Variants in KCNN2 observed in about 807,000 individuals in gnomAD.
KCNN2 encodes potassium calcium-activated channel subfamily N member 2.
A neutral mutation model predicts 55.5 loss-of-function variants in KCNN2; 24 were observed. The observed-to-expected ratio is 0.43, with a 90% CI of 0.31 to 0.61. The LOEUF (loss-of-function observed/expected upper bound fraction) is 0.61. Among genes scored for constraint, KCNN2 ranks in the 20% least tolerant of loss-of-function variants. KCNN2 has a pLI of 0.08. For missense variants in KCNN2, 754 were observed against 853.6 expected (o/e 0.88, Z 1.45); for synonymous variants, 431 against 336.1 (o/e 1.28, Z -3.09).
chr5:114,275,662 G>A (rs1304797270), intron 2 of KCNN2, among the ~76,000 whole-genome samples: 1 of 152,110 alleles, frequency 6.6e-6, no homozygotes, highest in African/African-American at 2.4e-5. Flanking sequence ...TTGTATTTTT[G>A]TGGGATCGGT....
At chr5:114,353,943 G>A (rs1757254732) in intron 2 of KCNN2, among the ~76,000 whole-genome samples, 1 of 151,790 alleles carries the variant, frequency 6.6e-6, no homozygotes, top group African/African-American at 2.4e-5. Context: ...TTTCTTGGAG[G>A]TGTAGATGAA....
chr5:114,146,676 C>A (rs1044239274), intron 1 of KCNN2, among the ~76,000 whole-genome samples: 6 of 152,122 alleles, frequency 3.9e-5, no homozygotes, highest in African/African-American at 1.2e-4. Context: ...GAGACAATCT[C>A]AACACTGATA....
chr5:114,208,726 T>A (rs1250131857), intron 1 of KCNN2, among the ~76,000 whole-genome samples: 1 of 152,192 alleles, frequency 6.6e-6, no homozygotes, highest in African/African-American at 2.4e-5. Flanking sequence ...CTTGTTTGTG[T>A]GTTCAAAACC....
chr5:114,067,306 T>G (rs1448574517), intron 1 of KCNN2, among the ~76,000 whole-genome samples: 1 of 152,190 alleles, frequency 6.6e-6, no homozygotes, highest in African/African-American at 2.4e-5. Context: ...TGCATTGAAA[T>G]CACCTGGCAA....
At chr5:114,148,544 T>G (rs979591577) in intron 1 of KCNN2, among the ~76,000 whole-genome samples, 1 of 152,020 alleles carries the variant, frequency 6.6e-6, no homozygotes, top group African/African-American at 2.4e-5. Flanking sequence ...GGACGTGGAC[T>G]TGGGGGAGAC....
chr5:114,076,668 G>C (rs1455485800), intron 1 of KCNN2, among the ~76,000 whole-genome samples: 1 of 152,064 alleles, frequency 6.6e-6, no homozygotes, highest in Non-Finnish European at 1.5e-5. Flanking sequence ...GAAGAAGGTA[G>C]GTTTTCAAAG....
intron 2 of KCNN2, among the ~76,000 whole-genome samples, chr5:114,279,942 C>T (rs1755586474): frequency 6.6e-6 from 1 of 152,124 alleles, no homozygotes; most frequent in Admixed American, 6.5e-5. Flanking sequence ...CCTATTTCTC[C>T]ACATCCTCTC....
At chr5:114,361,361 G>C (rs568857364), upstream of KCNN2, among the ~76,000 whole-genome samples, 1 of 152,270 alleles carries the variant, frequency 6.6e-6, no homozygotes, top group South Asian at 2.1e-4. Context: ...AGAGCCTGCC[G>C]GCTGGGAAAG....
At chr5:114,324,673 GT>G (rs1289453722) in intron 2 of KCNN2, among the ~76,000 whole-genome samples, 1 of 152,174 alleles carries the variant, frequency 6.6e-6, no homozygotes, top group Admixed American at 6.5e-5. Flanking sequence ...GTGATAATTT[GT>G]TACAGCAGCA....
At chr5:114,431,127 C>G (rs773335584) in intron 3 of KCNN2, among the ~76,000 whole-genome samples, 2 of 152,074 alleles carry the variant, frequency 1.3e-5, no homozygotes, top group Non-Finnish European at 2.9e-5. Flanking sequence ...ACCCCCCCAT[C>G]CCGGCTTCTG....
rs949553121 is a variant in KCNN2 at position 114,277,506 on chromosome 5, T to A, written c.-185+55941T>A. On this transcript the variant is annotated intron_variant, in intron 2 of 10. Transcript: ENST00000512097. ...ACATAGATTTGGTCTTTTCACATAG[T>A]CCCATATTTCCTGGAGGCTTTGTTA... Among the ~76,000 whole-genome samples, 10 of 152,214 alleles carry A rather than the reference T, an allele frequency of 6.6e-5. 1 individual carries two copies. The highest frequency in any genetic ancestry group is 5.2e-4 in the Admixed American group (8 of 15,272).
chr5:114,114,892 C>T (rs961339908), intron 1 of KCNN2, among the ~76,000 whole-genome samples: 2 of 152,248 alleles, frequency 1.3e-5, no homozygotes, highest in East Asian at 1.9e-4. Flanking sequence ...TTAACAGCTT[C>T]GCCTAGACTA....
chr5:114,422,820 C>T (rs930449445), intron 3 of KCNN2, among the ~76,000 whole-genome samples: 5 of 152,186 alleles, frequency 3.3e-5, no homozygotes, highest in African/African-American at 1.2e-4. Flanking sequence ...ACTAATCTGA[C>T]TGGAACTTCT....
intron 3 of KCNN2, among the ~76,000 whole-genome samples, chr5:114,425,376 T>G (rs982947289): frequency 6.6e-6 from 1 of 152,216 alleles, no homozygotes; most frequent in Non-Finnish European, 1.5e-5. Flanking sequence ...TGGACTGTGC[T>G]AATTTCTGGA....
In KCNN2 at chr5:114,196,768, T is replaced by C. The variant is rs555174107; in HGVS notation, c.-270-24712T>C. ...ATTTCATCAAAATATTTGTCCAGTT[T>C]GTTGATCTTTTCAAAGTACTAACTT... On this transcript the variant is annotated intron_variant, in intron 1 of 10. Transcript: ENST00000512097. Among the ~76,000 whole-genome samples, 19 of 152,236 alleles carry C rather than the reference T, an allele frequency of 1.2e-4. No homozygotes were observed. The East Asian group carries it at 3.7e-3, about 29-fold the overall frequency.
intron 1 of KCNN2, among the ~76,000 whole-genome samples, chr5:114,177,688 T>C (rs564785433): frequency 2.0e-4 from 30 of 152,098 alleles, no homozygotes; most frequent in African/African-American, 7.2e-4. Context: ...TTTTATAGAG[T>C]ACTTTAATTA....
intron 1 of KCNN2, among the ~76,000 whole-genome samples, chr5:114,138,536 C>A (rs747752310): frequency 9.2e-5 from 14 of 152,164 alleles, no homozygotes; most frequent in Non-Finnish European, 1.6e-4. Context: ...TTAGAAACCA[C>A]TGTAGAACCC....
In KCNN2 at chr5:114,310,808, T is replaced by C. The variant is rs1756378530; in HGVS notation, c.-184-50137T>C. Among the ~76,000 whole-genome samples the C allele has an allele frequency of 2.0e-5, 3 of 152,120 alleles. No homozygotes were observed. In the South Asian group the frequency reaches 6.2e-4, roughly 32 times the overall value. On this transcript the variant is annotated intron_variant, in intron 2 of 10. Coordinates refer to the KCNN2 transcript ENST00000512097. ...CAAAGTGGGCCATATGAAATGGGAG[T>C]CTGTTCAATTCTGTTCCATGTGTCT...
chr5:114,279,838 T>C (rs1318991203), intron 2 of KCNN2, among the ~76,000 whole-genome samples: 1 of 152,100 alleles, frequency 6.6e-6, no homozygotes, highest in East Asian at 1.9e-4. Flanking sequence ...CTGGGCCAAA[T>C]GGTATTTCTA....
Sources: gnomAD v4.1 joint callset for allele counts (sites outside exome capture counted in the v4.1 genomes callset) on GRCh38, gnomAD v4.1.1 for gene constraint, MANE v1.5 for transcripts, NCBI Gene and HGNC (gene_info 2026-07-23, HGNC 2026-07-21) for gene names.